Variants in APMAP observed in about 807,000 individuals in gnomAD.
The protein encoded by APMAP is adipocyte plasma membrane associated protein, also known as adipocyte plasma membrane-associated protein.
APMAP carries 33 observed loss-of-function variants against 43.6 expected under a neutral mutation model. That is an observed-to-expected ratio of 0.76 (90% CI 0.57 to 1.01). The LOEUF is 1.01. Ranked by LOEUF, APMAP falls within the 50% of genes least tolerant of loss-of-function variation. The pLI is 0.00. For missense variants in APMAP, 498 were observed against 540.7 expected, an observed-to-expected ratio of 0.92 and a Z score of 0.78; for synonymous variants, 224 against 216.7, an observed-to-expected ratio of 1.03 and a Z score of -0.30.
intron 1 of APMAP, among the ~76,000 whole-genome samples, chr20:24,991,311 T>C (rs143675247): frequency 6.6e-6 from 1 of 152,200 alleles, no homozygotes; most frequent in Non-Finnish European, 1.5e-5. Context: ...AACAGATGAT[T>C]AATTCACAAT....
chr20:24,978,744 C>CCA (rs757113762), intron 3 of APMAP, 23 bp downstream of exon 3: 16 of 1,311,064 alleles, frequency 1.2e-5, no homozygotes, highest in Non-Finnish European at 1.5e-5. Flanking sequence ...GAAGGCTCCC[C>CCA]CCCCACCCAA....
At chr20:24,990,866 T>C (rs1362090893) in intron 1 of APMAP, among the ~76,000 whole-genome samples, 3 of 151,986 alleles carry the variant, frequency 2.0e-5, no homozygotes, top group African/African-American at 7.3e-5. Context: ...ATTACAGATA[T>C]ACAGAAAAGG....
At chr20:24,978,954 C>T in intron 2 of APMAP, 72 bp from the exon 3 acceptor site, 1 of 1,239,190 alleles carries the variant, frequency 8.1e-7, no homozygotes. Context: ...CGAGCACCTG[C>T]TCTCAGTTCT....
chr20:24,972,730 T>G lies in APMAP; in HGVS notation c.421+915A>C, dbSNP rs144314692. ...GTTCACTATAGGTGCTCACTGTAGG[T>G]GCTTACTGCAGGGTGTTCACTGTGG... On this transcript the variant is annotated intron_variant, in intron 4 of 8. Coordinates refer to ENST00000217456, the MANE Select transcript of APMAP (RefSeq NM_020531.3). Among the ~76,000 whole-genome samples the G allele has an allele frequency of 5.8e-4, 86 of 147,760 alleles. 1 individual carries two copies. The East Asian group carries it at 0.016, about 28-fold the overall frequency.
intron 1 of APMAP, among the ~76,000 whole-genome samples, chr20:24,984,327 A>G (rs1420371984): frequency 6.6e-6 from 1 of 152,342 alleles, no homozygotes; most frequent in Admixed American, 6.5e-5. Context: ...ACTGATGAAC[A>G]CAAAATGTAA....
intron 8 of APMAP, among the ~76,000 whole-genome samples, chr20:24,967,151 C>T (rs773432968): frequency 2.6e-5 from 4 of 152,102 alleles, no homozygotes; most frequent in Non-Finnish European, 5.9e-5. Context: ...AAAAATTAGC[C>T]AAGCGTGGTG....
chr20:24,968,037 C>A (rs2122484337), intron 8 of APMAP, among the ~76,000 whole-genome samples: 1 of 152,238 alleles, frequency 6.6e-6, no homozygotes, highest in East Asian at 1.9e-4. Flanking sequence ...GGACCATAAG[C>A]TAGTATTTCC....
At chr20:24,969,115 C>G in intron 7 of APMAP, 31 bp from the exon 8 acceptor site, 1 of 1,534,128 alleles carries the variant, frequency 6.5e-7, no homozygotes, top group South Asian at 1.2e-5. Flanking sequence ...GAGAGTGAAC[C>G]ATAGCCCCTC....
At chr20:24,968,375 C>T (rs569867288) in intron 8 of APMAP, among the ~76,000 whole-genome samples, 4 of 152,264 alleles carry the variant, frequency 2.6e-5, no homozygotes, top group African/African-American at 9.6e-5. Context: ...GAGTGCCTGG[C>T]AGTGAGGCTG....
rs955180718 is a variant in APMAP, at chr20:24,978,747, C to G, written c.328+20G>C. 4.0e-5 allele frequency: 52 copies of G among 1,312,752 alleles called. No homozygotes were observed. The highest frequency in any genetic ancestry group is 2.4e-4 in the Middle Eastern group (1 of 4,176). 81.3% of individuals were successfully genotyped at this position (1,312,752 alleles called of 1,614,324 possible). A position where few individuals can be genotyped will look rare whatever the true frequency, so the allele number is the denominator to read the frequency against. ...ACAGACAGCCTGGAAGGCTCCCCCC[C>G]CACCCAAGCTTAGACTTACCCCCAA... On this transcript the variant is annotated intron_variant, in intron 3 of 8. Coordinates refer to ENST00000217456, the MANE Select transcript of APMAP (RefSeq NM_020531.3).
chr20:24,966,074 C>A (rs1238464926), intron 8 of APMAP, among the ~76,000 whole-genome samples: 13 of 152,192 alleles, frequency 8.5e-5, no homozygotes, highest in Non-Finnish European at 1.3e-4. Context: ...GCAGCGAGTA[C>A]ACTCAGCACC....
chr20:24,984,782 A>G (rs1379938192), intron 1 of APMAP, among the ~76,000 whole-genome samples: 1 of 152,228 alleles, frequency 6.6e-6, no homozygotes, highest in Non-Finnish European at 1.5e-5. Context: ...CTTCACATAC[A>G]GTATCTCTCA....
chr20:24,991,770 C>T (rs1474171803), intron 1 of APMAP, among the ~76,000 whole-genome samples: 1 of 152,200 alleles, frequency 6.6e-6, no homozygotes, highest in South Asian at 2.1e-4. Flanking sequence ...ATTCAGGACA[C>T]AGAATTGAAA....
At chr20:24,966,272 T>C (rs1413732442) in intron 8 of APMAP, among the ~76,000 whole-genome samples, 1 of 152,168 alleles carries the variant, frequency 6.6e-6, no homozygotes, top group Middle Eastern at 3.2e-3. Flanking sequence ...CACAGATGGG[T>C]AATTTGAGCA....
In APMAP at chr20:24,963,807, G is replaced by T; in HGVS notation, c.*6C>A. 6.2e-7 allele frequency: 1 copy of T among 1,613,742 alleles called. No individual in the cohort carries two copies. Among genetic ancestry groups the T allele is most frequent in the African/African-American group, 1.3e-5 (1 of 75,042 alleles). On this transcript the variant is annotated 3_prime_UTR_variant, in exon 9 of 9. Coordinates refer to ENST00000217456, the MANE Select transcript of APMAP (RefSeq NM_020531.3). ...CCTGCGTGGCAGGGGCAGCTATCTGGGAGGGCTAAACAGCCTGGAGGCTGA... is the reference window on the plus strand; with the variant it reads ...CCTGCGTGGCAGGGGCAGCTATCTGTGAGGGCTAAACAGCCTGGAGGCTGA...
Position 24,963,007 on chromosome 20 carries a change from C to T in APMAP, c.*806G>A, listed in dbSNP as rs1333314836. ...GTGTAGACATACTTGTGAAAATATACAGCAACTTGGGGCTTATAACACATG... is the reference window on the plus strand; with the variant it reads ...GTGTAGACATACTTGTGAAAATATATAGCAACTTGGGGCTTATAACACATG... On this transcript the variant is annotated 3_prime_UTR_variant, in exon 9 of 9. Transcript: ENST00000217456. 6.6e-6 allele frequency: 1 copy of T among 152,162 alleles called. No individual in the cohort carries two copies. The highest frequency in any genetic ancestry group is 1.9e-4 in the East Asian group (1 of 5,202). The allele number at this position is 152,162 out of a possible 1,614,324, so 9.4% of individuals were successfully genotyped here.
intron 2 of APMAP, among the ~76,000 whole-genome samples, chr20:24,981,487 A>T (rs924370145): frequency 6.6e-6 from 1 of 152,130 alleles, no homozygotes; most frequent in African/African-American, 2.4e-5. Context: ...TCTCCCTAAC[A>T]CAGGAAGCCA....
intron 3 of APMAP, among the ~76,000 whole-genome samples, chr20:24,977,347 C>T (rs2088058709): frequency 6.6e-6 from 1 of 152,190 alleles, no homozygotes; most frequent in Non-Finnish European, 1.5e-5. Flanking sequence ...ATCTCTGTAC[C>T]TTCTGCTCAA....
chr20:24,972,613 G>A (rs1375373392), intron 4 of APMAP, among the ~76,000 whole-genome samples: 3 of 151,826 alleles, frequency 2.0e-5, no homozygotes, highest in Admixed American at 6.5e-5. Context: ...ACTGTGGGGT[G>A]CTCACTACAG....
Sources: gnomAD v4.1 joint callset for allele counts (sites outside exome capture counted in the v4.1 genomes callset) on GRCh38, gnomAD v4.1.1 for gene constraint, MANE v1.5 for transcripts, NCBI Gene and HGNC (gene_info 2026-07-23, HGNC 2026-07-21) for gene names.